AGTPBP1: variants seen among roughly 807,000 people sequenced by gnomAD.
AGTPBP1 encodes cytosolic carboxypeptidase 1.
In AGTPBP1, 70 loss-of-function variants were observed where a neutral mutation model predicts 143.9. The observed-to-expected ratio is 0.49, with a 90% CI of 0.40 to 0.59. AGTPBP1 has a LOEUF of 0.59. Among genes scored for constraint, AGTPBP1 ranks in the 20% least tolerant of loss-of-function variants. AGTPBP1 has a pLI of 0.00. For missense variants in AGTPBP1, 1,229 were observed against 1,464.5 expected (o/e 0.84, Z 2.62); for synonymous variants, 463 against 500.2 (o/e 0.93, Z 0.99).
rs200269013 is a variant in AGTPBP1 at position 85,547,105 on chromosome 9, G to A, written c.*4C>T. On this transcript the variant is annotated 3_prime_UTR_variant, in exon 26 of 26. Coordinates refer to ENST00000357081, the MANE Select transcript of AGTPBP1 (RefSeq NM_001330701.2). Reference sequence around the variant, plus strand: ...TTTGCAGTTAACAAGAGATGGCAGCGGGCTCAAGGTAGGTATGTTCTTGAT... The same window carrying A: ...TTTGCAGTTAACAAGAGATGGCAGCAGGCTCAAGGTAGGTATGTTCTTGAT... 3.3e-5 allele frequency: 53 copies of A among 1,589,420 alleles called. No homozygotes were observed. Among genetic ancestry groups the A allele is most frequent in the Admixed American group, 3.0e-4 (16 of 54,226 alleles).
At chr9:85,731,661 GCTGGT>G (rs1838889495) in intron 1 of AGTPBP1, among the ~76,000 whole-genome samples, 1 of 151,998 alleles carries the variant, frequency 6.6e-6, no homozygotes, top group African/African-American at 2.4e-5. Context: ...TATTGCCCAG[GCTGGT>G]CTCAAATTCA....
chr9:85,572,426 T>G lies in AGTPBP1; in HGVS notation c.3503+2889A>C, dbSNP rs556405424. 3.2e-4 allele frequency among the ~76,000 whole-genome samples: 48 copies of G among 152,288 alleles called. No homozygotes were observed. The South Asian group carries it at 9.5e-3, about 30-fold the overall frequency. On this transcript the variant is annotated intron_variant, in intron 25 of 25. Coordinates refer to ENST00000357081, the MANE Select transcript of AGTPBP1 (RefSeq NM_001330701.2). ...CCCTTAAAGAGTCTGATGAGGCCTA[T>G]AAACTCCTTCTCATAATACTTTTAA... is the stretch of plus-strand genomic sequence containing the variant.
At chr9:85,763,958 G>A in the AGTPBP1 span, among the ~76,000 whole-genome samples, 4 of 151,854 alleles carry the variant, frequency 2.6e-5, no homozygotes, top group Non-Finnish European at 5.9e-5. Flanking sequence ...CATAAATCTG[G>A]CCATATTTTC....
Position 85,632,904 on chromosome 9 carries a change from C to T in AGTPBP1, c.1773G>A (p.Lys591=). ...LFEGRTVQLG[K]LCCTGVETED... ...CAGTTTCAACTCCAGTGCAGCAAAG[C>T]TTCCCTAGCTGAACTGTTCTTCCCT... The change falls in exon 14 of 26, where the codon AAG becomes AAA. Residue 591 remains lysine (K), a synonymous_variant. Transcript: ENST00000357081. 1 of 1,614,134 alleles carries T rather than the reference C, an allele frequency of 6.2e-7. No individual in the cohort carries two copies.
chr9:85,784,877 GT>G, the AGTPBP1 span, among the ~76,000 whole-genome samples: 1 of 152,158 alleles, frequency 6.6e-6, no homozygotes, highest in Non-Finnish European at 1.5e-5. Flanking sequence ...AACTCTTATA[GT>G]TTTTCTAGAA....
chr9:85,786,394 A>C, the AGTPBP1 span: 1 of 1,614,024 alleles, frequency 6.2e-7, no homozygotes, highest in Non-Finnish European at 8.5e-7. Flanking sequence ...TGTCATCCCA[A>C]ATTCAGGTTG....
the AGTPBP1 span, among the ~76,000 whole-genome samples, chr9:85,762,759 T>A: frequency 4.0e-5 from 6 of 148,416 alleles, no homozygotes; most frequent in Admixed American, 1.3e-4. Flanking sequence ...ACCCTAGAAC[T>A]TAAAGTTATA....
the AGTPBP1 span, among the ~76,000 whole-genome samples, chr9:85,799,403 G>A: frequency 2.6e-4 from 39 of 152,196 alleles, no homozygotes; most frequent in Non-Finnish European, 4.7e-4. Flanking sequence ...GAGGAATTGC[G>A]ACATTGTCCT....
chr9:85,789,417 T>C, the AGTPBP1 span, among the ~76,000 whole-genome samples: 9 of 152,186 alleles, frequency 5.9e-5, no homozygotes, highest in Non-Finnish European at 1.2e-4. Context: ...GTATATAAAA[T>C]GTTTGTGGTT....
chr9:85,560,935 T>A (rs974857691), intron 25 of AGTPBP1, among the ~76,000 whole-genome samples: 1 of 152,048 alleles, frequency 6.6e-6, no homozygotes, highest in African/African-American at 2.4e-5. Flanking sequence ...GCTAAGAATT[T>A]CCCAAAACTG....
At chr9:85,668,090 G>T (rs140838573) in intron 8 of AGTPBP1, among the ~76,000 whole-genome samples, 1 of 151,794 alleles carries the variant, frequency 6.6e-6, no homozygotes, top group African/African-American at 2.4e-5. Context: ...TTTAAAATAC[G>T]CTAGGAAAAA....
At chr9:85,580,626 A>C (rs1828197898) in intron 23 of AGTPBP1, among the ~76,000 whole-genome samples, 1 of 152,218 alleles carries the variant, frequency 6.6e-6, no homozygotes, top group Non-Finnish European at 1.5e-5. Context: ...CCTGGCAAAG[A>C]TGATAGTACA....
At chr9:85,749,361 A>G in the AGTPBP1 span, among the ~76,000 whole-genome samples, 2 of 152,078 alleles carry the variant, frequency 1.3e-5, no homozygotes, top group Non-Finnish European at 2.9e-5. Context: ...CTTATGGGGG[A>G]TATCAGGTAT....
chr9:85,756,400 T>C, the AGTPBP1 span: 1 of 934,932 alleles, frequency 1.1e-6, no homozygotes, highest in Non-Finnish European at 1.4e-6. Flanking sequence ...AATTGGAAAA[T>C]GGTGCAATCG....
chr9:85,682,603 T>G (rs1835256700), intron 3 of AGTPBP1, among the ~76,000 whole-genome samples: 1 of 152,200 alleles, frequency 6.6e-6, no homozygotes, highest in African/African-American at 2.4e-5. Flanking sequence ...TTTGAGATTT[T>G]AAAAAACACA....
intron 25 of AGTPBP1, among the ~76,000 whole-genome samples, chr9:85,562,574 A>C (rs956662444): frequency 6.6e-6 from 1 of 152,222 alleles, no homozygotes; most frequent in Non-Finnish European, 1.5e-5. Context: ...ATTTACATCT[A>C]ATCTTTAAAT....
chr9:85,742,081 G>T, upstream of AGTPBP1: 1 of 1,106,766 alleles, frequency 9.0e-7, no homozygotes, highest in Non-Finnish European at 1.1e-6. Context: ...CGGAGCGCAC[G>T]CCCTCTTCCC....
the AGTPBP1 span, among the ~76,000 whole-genome samples, chr9:85,798,566 C>T: frequency 1.3e-5 from 2 of 152,014 alleles, no homozygotes; most frequent in African/African-American, 4.8e-5. Context: ...TGGGGTTTCA[C>T]CATGTTGGCC....
At chr9:85,609,474 G>C (rs1830186925) in intron 17 of AGTPBP1, among the ~76,000 whole-genome samples, 1 of 151,916 alleles carries the variant, frequency 6.6e-6, no homozygotes, top group African/African-American at 2.4e-5. Flanking sequence ...GTAGAGACGG[G>C]GTTTCACCAT....
Sources: gnomAD v4.1 joint callset for allele counts (sites outside exome capture counted in the v4.1 genomes callset) on GRCh38, gnomAD v4.1.1 for gene constraint, MANE v1.5 for transcripts, NCBI Gene and HGNC (gene_info 2026-07-23, HGNC 2026-07-21) for gene names.